ZNF385B: variants seen among roughly 807,000 people sequenced by gnomAD.
ZNF385B encodes the protein zinc finger protein 385B.
In ZNF385B, 23 loss-of-function variants were observed where a neutral mutation model predicts 39.2. That is an observed-to-expected ratio of 0.59 (90% confidence interval 0.42 to 0.83). The LOEUF (loss-of-function observed/expected upper bound fraction) is 0.83, where lower values mean the gene tolerates loss of function less well. Among genes scored for constraint, ZNF385B ranks in the 40% least tolerant of loss-of-function variants. The pLI, the probability that ZNF385B is intolerant of heterozygous loss-of-function variation, is 0.00. For synonymous variants in ZNF385B, 205 were observed against 222.6 expected (o/e 0.92, Z 0.70); for missense variants, 552 against 598.9 (o/e 0.92, Z 0.82).
chr2:179,475,263 T>TA (rs2053281321), intron 6 of ZNF385B, among the ~76,000 whole-genome samples: 1 of 151,490 alleles, frequency 6.6e-6, no homozygotes, highest in East Asian at 1.9e-4. Flanking sequence ...TTTTTTTTTT[T>TA]TTTTTTTGAC....
chr2:179,714,219 C>A (rs1700178563), intron 3 of ZNF385B, among the ~76,000 whole-genome samples: 1 of 152,278 alleles, frequency 6.6e-6, no homozygotes, highest in Admixed American at 6.5e-5. Context: ...ATAACAATAA[C>A]AATGACCAGA....
At chr2:179,756,129 T>C (rs1575429725) in intron 3 of ZNF385B, among the ~76,000 whole-genome samples, 1 of 152,108 alleles carries the variant, frequency 6.6e-6, no homozygotes, top group Non-Finnish European at 1.5e-5. Context: ...CGTTGTTCCT[T>C]TCCATGTTTA....
intron 5 of ZNF385B, among the ~76,000 whole-genome samples, chr2:179,505,701 C>T (rs577911140): frequency 1.3e-5 from 2 of 152,122 alleles, no homozygotes; most frequent in South Asian, 2.1e-4. Context: ...AAATGTAACA[C>T]GTATTTAAAG....
intron 4 of ZNF385B, among the ~76,000 whole-genome samples, chr2:179,527,393 A>T (rs1040128305): frequency 3.9e-5 from 6 of 152,116 alleles, no homozygotes; most frequent in African/African-American, 1.2e-4. Flanking sequence ...TCCTTTGAAA[A>T]GCTCTGGGAT....
At chr2:179,817,789 CTG>C (rs1255231401) in intron 1 of ZNF385B, among the ~76,000 whole-genome samples, 2 of 151,568 alleles carry the variant, frequency 1.3e-5, no homozygotes, top group African/African-American at 4.9e-5. Flanking sequence ...GCATGTGTGT[CTG>C]TGTGTGTGCA....
intron 5 of ZNF385B, among the ~76,000 whole-genome samples, chr2:179,505,922 T>C (rs1376361489): frequency 1.3e-5 from 2 of 152,164 alleles, no homozygotes; most frequent in South Asian, 2.1e-4. Flanking sequence ...AAAACAGTTT[T>C]TTATTGGTCT....
intron 3 of ZNF385B, among the ~76,000 whole-genome samples, chr2:179,691,573 G>A (rs1022520793): frequency 6.6e-6 from 1 of 152,108 alleles, no homozygotes; most frequent in Admixed American, 6.5e-5. Flanking sequence ...CTAAATACAA[G>A]GTGAATAGCA....
At chr2:179,821,570 T>C (rs906601710) in intron 1 of ZNF385B, among the ~76,000 whole-genome samples, 2 of 152,142 alleles carry the variant, frequency 1.3e-5, no homozygotes, top group Non-Finnish European at 2.9e-5. Context: ...CTTCACAGTT[T>C]CCCAGGAGAT....
chr2:179,619,187 T>C (rs534578336), intron 3 of ZNF385B, among the ~76,000 whole-genome samples: 9 of 152,292 alleles, frequency 5.9e-5, no homozygotes, highest in African/African-American at 1.9e-4. Context: ...GCTGTGTTGA[T>C]GAACACTTCA....
chr2:179,477,868 A>C (rs2053597407), intron 6 of ZNF385B, among the ~76,000 whole-genome samples: 1 of 152,144 alleles, frequency 6.6e-6, no homozygotes, highest in African/African-American at 2.4e-5. Context: ...GAAATTAAGG[A>C]TTATCAATGA....
chr2:179,744,006 C>G (rs1702230479), intron 3 of ZNF385B, among the ~76,000 whole-genome samples: 1 of 152,040 alleles, frequency 6.6e-6, no homozygotes, highest in South Asian at 2.1e-4. Context: ...CAACAGTGCT[C>G]TAGGATGCAT....
intron 1 of ZNF385B, among the ~76,000 whole-genome samples, chr2:179,798,272 G>T (rs1432533569): frequency 6.6e-6 from 1 of 151,546 alleles, no homozygotes; most frequent in African/African-American, 2.4e-5. Flanking sequence ...TTTATTTCCT[G>T]CCCCAGCCCT....
chr2:179,803,117 A>C (rs564673531), intron 1 of ZNF385B, among the ~76,000 whole-genome samples: 4 of 152,296 alleles, frequency 2.6e-5, no homozygotes, highest in Non-Finnish European at 5.9e-5. Context: ...AGAGAGCTTA[A>C]GTAACTTGCC....
intron 3 of ZNF385B, among the ~76,000 whole-genome samples, chr2:179,606,724 T>G (rs1688837227): frequency 6.6e-6 from 1 of 152,162 alleles, no homozygotes; most frequent in South Asian, 2.1e-4. Flanking sequence ...CAGTACAGCT[T>G]TATCACCGAA....
chr2:179,451,263 A>AG (rs1259143874), intron 6 of ZNF385B, among the ~76,000 whole-genome samples: 1 of 151,626 alleles, frequency 6.6e-6, no homozygotes, highest in Non-Finnish European at 1.5e-5. Context: ...AAAAAAAAAA[A>AG]AAAGAAAGAA....
At chr2:179,749,955 G>A (rs78287970) in intron 3 of ZNF385B, among the ~76,000 whole-genome samples, 6 of 152,038 alleles carry the variant, frequency 3.9e-5, no homozygotes, top group Non-Finnish European at 7.4e-5. Context: ...ACTAAAAAAG[G>A]GTCAACCACT....
chr2:179,649,260 G>T (rs1575086089), intron 3 of ZNF385B, among the ~76,000 whole-genome samples: 1 of 152,162 alleles, frequency 6.6e-6, no homozygotes, highest in Non-Finnish European at 1.5e-5. Flanking sequence ...GGCTGGATAG[G>T]CATGACAATG....
intron 5 of ZNF385B, among the ~76,000 whole-genome samples, chr2:179,506,494 A>T (rs536391214): frequency 6.6e-6 from 1 of 152,288 alleles, no homozygotes; most frequent in East Asian, 1.9e-4. Flanking sequence ...TCAGTGGTAT[A>T]ATTAATAGTT....
intron 3 of ZNF385B, among the ~76,000 whole-genome samples, chr2:179,641,424 T>C (rs2106220361): frequency 6.6e-6 from 1 of 152,278 alleles, no homozygotes; most frequent in East Asian, 1.9e-4. Flanking sequence ...CTAAGGTGCA[T>C]TTACAGTTTC....
Sources: gnomAD v4.1 joint callset for allele counts (sites outside exome capture counted in the v4.1 genomes callset) on GRCh38, gnomAD v4.1.1 for gene constraint, MANE v1.5 for transcripts, NCBI Gene and HGNC (gene_info 2026-07-23, HGNC 2026-07-21) for gene names.